Variants in FGD4 observed in about 807,000 individuals in gnomAD.
FGD4 encodes FYVE, RhoGEF and PH domain-containing protein 4.
Under a neutral mutation model 102.0 loss-of-function variants are expected in FGD4, and 42 were observed. The observed-to-expected ratio is 0.41, with a 90% CI of 0.32 to 0.53. FGD4 has a LOEUF of 0.53. Among genes scored for constraint, FGD4 ranks in the 20% least tolerant of loss-of-function variants. The pLI is 0.21. For synonymous variants in FGD4, 380 were observed against 375.7 expected, an observed-to-expected ratio of 1.01 and a Z score of -0.13; for missense variants, 902 against 1,078.2, an observed-to-expected ratio of 0.84 and a Z score of 2.29.
At chr12:32,413,265 A>T (rs2136400456) in intron 1 of FGD4, among the ~76,000 whole-genome samples, 1 of 152,054 alleles carries the variant, frequency 6.6e-6, no homozygotes, top group Non-Finnish European at 1.5e-5. Flanking sequence ...GTATCCCAGA[A>T]CTTAAAGTAT....
At chr12:32,423,453 G>A (rs1412154071) in intron 1 of FGD4, among the ~76,000 whole-genome samples, 6 of 151,652 alleles carry the variant, frequency 4.0e-5, no homozygotes, top group Non-Finnish European at 5.9e-5. Context: ...TTAGCCGGGC[G>A]TGGTGGCAGG....
intron 1 of FGD4, among the ~76,000 whole-genome samples, chr12:32,538,539 C>T (rs1273730316): frequency 6.6e-6 from 1 of 152,008 alleles, no homozygotes; most frequent in East Asian, 1.9e-4. Context: ...GCCTCACAGG[C>T]CAAGTTGATA....
At chr12:32,612,951 C>T (rs1949238293) in intron 10 of FGD4, among the ~76,000 whole-genome samples, 1 of 152,132 alleles carries the variant, frequency 6.6e-6, no homozygotes, top group Non-Finnish European at 1.5e-5. Flanking sequence ...CTGACCTTTA[C>T]TCTTTGTTAT....
intron 1 of FGD4, among the ~76,000 whole-genome samples, chr12:32,443,617 T>A (rs1357844738): frequency 6.6e-6 from 1 of 150,528 alleles, no homozygotes; most frequent in Non-Finnish European, 1.5e-5. Context: ...CAGCTCACTG[T>A]AGCCTCGAAC....
chr12:32,452,565 C>T (rs1942809459), intron 1 of FGD4, among the ~76,000 whole-genome samples: 1 of 152,184 alleles, frequency 6.6e-6, no homozygotes, highest in Non-Finnish European at 1.5e-5. Flanking sequence ...TAGATTTACA[C>T]AAAAAGTAAA....
intron 1 of FGD4, among the ~76,000 whole-genome samples, chr12:32,523,389 AT>A (rs1940753078): frequency 6.6e-6 from 1 of 152,220 alleles, no homozygotes; most frequent in African/African-American, 2.4e-5. Context: ...ACCACCATCC[AT>A]CTTTAGAATT....
In FGD4 at chr12:32,453,200, T is replaced by TTATATATATATATATA. The variant is rs1209887127; in HGVS notation, c.166+53246_166+53261dup. Among the ~76,000 whole-genome samples the TTATATATATATATATA allele has an allele frequency of 2.2e-3, 139 of 64,574 alleles. 2 individuals carry two copies. Among genetic ancestry groups the TTATATATATATATATA allele is most frequent in the African/African-American group, 6.9e-3 (137 of 19,958 alleles). The allele number at this position is 64,574 out of a possible 152,430, so 42.4% of individuals were successfully genotyped here. A position where few individuals can be genotyped will look rare whatever the true frequency, so the allele number is the denominator to read the frequency against. On this transcript the variant is annotated intron_variant, in intron 1 of 16. Coordinates refer to ENST00000534526, the MANE Select transcript of FGD4 (RefSeq NM_001370298.3). ...ATTATATATATATTTTATATATATATTATATATATATATATATATAATATA... is the reference window on the plus strand; with the variant it reads ...ATTATATATATATTTTATATATATATTATATATATATATATATATATATATATATATATATAATATA...
chr12:32,574,470 G>GT (rs1159146249), intron 2 of FGD4, among the ~76,000 whole-genome samples: 5 of 151,608 alleles, frequency 3.3e-5, no homozygotes, highest in South Asian at 2.1e-4. Context: ...CTACACAGAA[G>GT]TTTTTTTCTG....
chr12:32,446,729 C>T (rs1279278623), intron 1 of FGD4, among the ~76,000 whole-genome samples: 1 of 152,144 alleles, frequency 6.6e-6, no homozygotes, highest in Non-Finnish European at 1.5e-5. Flanking sequence ...ACAGCATGCG[C>T]GTGATTCTGA....
At chr12:32,582,655 T>C (rs1946710411) in intron 4 of FGD4, 188 bp downstream of exon 4, 1 of 708,916 alleles carries the variant, frequency 1.4e-6, no homozygotes, top group African/African-American at 1.8e-5. Flanking sequence ...TCACTTTTTC[T>C]TTTCATGTAG....
At chr12:32,526,700 C>G (rs1268648554) in intron 1 of FGD4, among the ~76,000 whole-genome samples, 1 of 152,192 alleles carries the variant, frequency 6.6e-6, no homozygotes, top group Non-Finnish European at 1.5e-5. Context: ...CTGCTGCTCA[C>G]TCTTTGGGTC....
intron 1 of FGD4, chr12:32,511,775 GTCA>G (rs1939400394): frequency 6.6e-6 from 1 of 151,946 alleles, no homozygotes; most frequent in Non-Finnish European, 1.5e-5. Flanking sequence ...GTGTTGTGTG[GTCA>G]TCTTTTTTTT....
chr12:32,486,003 G>A, intron 1 of FGD4: 2 of 1,396,982 alleles, frequency 1.4e-6, no homozygotes, highest in Admixed American at 3.3e-5. Context: ...AACACTAGAT[G>A]TGTATGTGTC....
At chr12:32,441,275 C>T (rs905336849) in intron 1 of FGD4, among the ~76,000 whole-genome samples, 1 of 152,148 alleles carries the variant, frequency 6.6e-6, no homozygotes, top group Non-Finnish European at 1.5e-5. Flanking sequence ...GTCAGCAAGT[C>T]TCAGTGGCTA....
chr12:32,610,897 A>G (rs927249284), intron 9 of FGD4, 63 bp downstream of exon 9: 64 of 1,524,360 alleles, frequency 4.2e-5, no homozygotes, highest in Non-Finnish European at 5.5e-5. Context: ...TACTGCCTCA[A>G]TACTATGTAG....
chr12:32,428,660 T>A (rs1338178342), intron 1 of FGD4, among the ~76,000 whole-genome samples: 1 of 152,216 alleles, frequency 6.6e-6, no homozygotes, highest in Admixed American at 6.5e-5. Context: ...GAAGAGTGTT[T>A]TTCAACTTGG....
chr12:32,470,470 T>C (rs1236345430), intron 1 of FGD4, among the ~76,000 whole-genome samples: 5 of 149,128 alleles, frequency 3.4e-5, no homozygotes, highest in South Asian at 2.1e-4. Flanking sequence ...TTTCTTTTTT[T>C]TTTTTTTTTT....
At chr12:32,527,891 GTAT>G (rs1941418764) in intron 1 of FGD4, among the ~76,000 whole-genome samples, 1 of 152,142 alleles carries the variant, frequency 6.6e-6, no homozygotes, top group South Asian at 2.1e-4. Context: ...TTATTCTCTA[GTAT>G]TATATATTTT....
In FGD4 at chr12:32,638,799, T is replaced by A; in HGVS notation, c.2454+4T>A. 1 of 1,613,922 alleles carries A rather than the reference T, an allele frequency of 6.2e-7. No individual in the cohort carries two copies. The highest frequency in any genetic ancestry group is 8.5e-7 in the Non-Finnish European group (1 of 1,179,904). On this transcript the variant is annotated splice_donor_region_variant and intron_variant, in intron 16 of 16. Transcript: ENST00000534526. ...GTACATGTATGGTGCCCCCCAGGTA[T>A]CTAAACCACATCTGTCTGAAGGGAC...
Sources: gnomAD v4.1 joint callset for allele counts (sites outside exome capture counted in the v4.1 genomes callset) on GRCh38, gnomAD v4.1.1 for gene constraint, MANE v1.5 for transcripts, NCBI Gene and HGNC (gene_info 2026-07-23, HGNC 2026-07-21) for gene names.